ANKRD24: variants seen among roughly 807,000 people sequenced by gnomAD.
The protein encoded by ANKRD24 is ankyrin repeat domain-containing protein 24.
A neutral mutation model predicts 127.8 loss-of-function variants in ANKRD24; 109 were observed. The ratio of observed to expected loss-of-function variants is 0.85; its 90% confidence interval spans 0.73 to 1.00. ANKRD24 has a LOEUF of 1.00. Ranked by LOEUF, ANKRD24 falls within the 50% of genes least tolerant of loss-of-function variation. The pLI is 0.00. For synonymous variants in ANKRD24, 743 were observed against 671.1 expected (o/e 1.11, Z -1.66); for missense variants, 1,648 against 1,570.2 (o/e 1.05, Z -0.84).
At chr19:4,200,280 G>C in intron 5 of ANKRD24, 109 bp downstream of exon 5, 1 of 1,225,344 alleles carries the variant, frequency 8.2e-7, no homozygotes, top group Non-Finnish European at 1.1e-6. Context: ...GCTGAAAAAA[G>C]GGGAGGCTCC....
chr19:4,215,054 C>G (rs1039041473), intron 15 of ANKRD24, among the ~76,000 whole-genome samples: 3 of 152,202 alleles, frequency 2.0e-5, no homozygotes, highest in Non-Finnish European at 2.9e-5. Flanking sequence ...CCCGAGTCCC[C>G]TCACCCAGGA....
chr19:4,182,844 G>C (rs1967803928), intron 1 of ANKRD24, 104 bp downstream of exon 1: 1 of 647,206 alleles, frequency 1.5e-6, no homozygotes, highest in South Asian at 6.9e-5. Context: ...GCGGGACACA[G>C]GCTATCCATG....
At position 4,198,073 on chromosome 19, in the gene ANKRD24, G is replaced by T. The variant is rs1860142905; in HGVS notation, c.37-1610G>T. The T allele has an allele frequency of 6.8e-6, 3 of 439,964 alleles. No individual in the cohort carries two copies. The highest frequency in any genetic ancestry group is 1.2e-5 in the Non-Finnish European group (3 of 246,820). 27.3% of individuals were successfully genotyped at this position (439,964 alleles called of 1,614,324 possible). A position where few individuals can be genotyped will look rare whatever the true frequency, so the allele number is the denominator to read the frequency against. On this transcript the variant is annotated intron_variant, in intron 2 of 21. Coordinates refer to ENST00000318934, the MANE Select transcript of ANKRD24 (RefSeq NM_001393985.1). This position sits in a 1 kb window ranked among gnomAD's most constrained non-coding sequence, Gnocchi z 6.1. ...GCGAGGCTGCGGACGTCGCGGGCCC[G>T]GAGGCACCTGCGCGCCCTTGGCCGA...
At chr19:4,206,539 A>T (rs184291634) in intron 7 of ANKRD24, among the ~76,000 whole-genome samples, 1 of 152,014 alleles carries the variant, frequency 6.6e-6, no homozygotes, top group Non-Finnish European at 1.5e-5. Context: ...CATTCCTGTA[A>T]TCCCAGCCCC....
intron 15 of ANKRD24, among the ~76,000 whole-genome samples, chr19:4,214,611 T>G (rs983972460): frequency 9.9e-5 from 15 of 152,100 alleles, no homozygotes; most frequent in African/African-American, 3.6e-4. Flanking sequence ...CTCAGCACTT[T>G]GGGAGCCTGA....
Position 4,224,629 on chromosome 19 carries a change from AC to A in ANKRD24, c.*126del. The A allele has an allele frequency of 1.1e-6, 1 of 936,894 alleles. No individual in the cohort carries two copies. Among genetic ancestry groups the A allele is most frequent in the Non-Finnish European group, 1.6e-6 (1 of 613,544 alleles). 58.0% of individuals were successfully genotyped at this position (936,894 alleles called of 1,614,324 possible). ...CCTATCCAGGCCCATGCACTTGGAGACCAGCCTGGTTCCCTGCCCGACCACC... is the reference window on the plus strand; with the variant it reads ...CCTATCCAGGCCCATGCACTTGGAGACAGCCTGGTTCCCTGCCCGACCACC... On this transcript the variant is annotated 3_prime_UTR_variant, in exon 22 of 22. Coordinates refer to ENST00000318934, the MANE Select transcript of ANKRD24 (RefSeq NM_001393985.1).
Position 4,224,184 on chromosome 19 carries a change from G to A in ANKRD24, c.3355G>A (p.Ala1119Thr), listed in dbSNP as rs1970614639. 5 of 1,611,302 alleles carry A rather than the reference G, an allele frequency of 3.1e-6. No individual in the cohort carries two copies. Among genetic ancestry groups the A allele is most frequent in the Non-Finnish European group, 4.2e-6 (5 of 1,179,090 alleles). ...TTTGTACAGAAGCCACCTCCTATAT[G>A]CCATTCAGGTGAGTGGCCCAGCTCC... Reference protein sequence around the residue: ...VALYRSHLLYAIQGQMDEDVQ... With the variant: ...VALYRSHLLYTIQGQMDEDVQ... The change falls in exon 21 of 22, where the codon GCC becomes ACC. Residue 1119 changes from alanine to threonine, a missense_variant. Physicochemically the swap from Ala to Thr is moderately conservative, Grantham distance 58. Coordinates refer to ENST00000318934, the MANE Select transcript of ANKRD24 (RefSeq NM_001393985.1).
At chr19:4,209,692 A>C (rs1159987639) in intron 11 of ANKRD24, among the ~76,000 whole-genome samples, 2 of 149,580 alleles carry the variant, frequency 1.3e-5, no homozygotes, top group African/African-American at 4.9e-5. Context: ...ACCTCAAGTG[A>C]TCACCCACCT....
At chr19:4,207,178 C>A in intron 7 of ANKRD24, 64 bp from the exon 8 acceptor site, 1 of 1,454,792 alleles carries the variant, frequency 6.9e-7, no homozygotes, top group Non-Finnish European at 9.6e-7. Context: ...CCTGCCTTGG[C>A]CTCCCAAGGT....
chr19:4,218,139 G>A lies in ANKRD24; in HGVS notation c.2979G>A (p.Glu993=), dbSNP rs1321813997. 16 of 1,530,904 alleles carry A rather than the reference G, an allele frequency of 1.0e-5. No homozygotes were observed. The Admixed American group carries it at 1.8e-4, about 17-fold the overall frequency. 94.8% of individuals were successfully genotyped at this position (1,530,904 alleles called of 1,614,324 possible). A position where few individuals can be genotyped will look rare whatever the true frequency, so the allele number is the denominator to read the frequency against. The change falls in exon 18 of 22, where the codon GAG becomes GAA. Residue 993 remains glutamate (E), a synonymous_variant. Transcript: ENST00000318934. ...TGGAGGAGCTGGGACGGCGGCATGA[G>A]AAGACCAGCGCAGAGGTCTTCCAGG... ...GQLEELGRRH[E]KTSAEVFQVQ...
Position 4,200,024 on chromosome 19 carries a change from G to T in ANKRD24, c.254+19G>T. The T allele has an allele frequency of 1.3e-6, 2 of 1,563,838 alleles. No individual in the cohort carries two copies. The highest frequency in any genetic ancestry group is 1.7e-6 in the Non-Finnish European group (2 of 1,152,106). On this transcript the variant is annotated intron_variant, in intron 4 of 21. Coordinates refer to ENST00000318934, the MANE Select transcript of ANKRD24 (RefSeq NM_001393985.1). ...AGTCCGCGTGAGTGCCCGCGACCCGGGAGTGAGATGGCTGAGGGGTGGCAA... is the reference window on the plus strand; with the variant it reads ...AGTCCGCGTGAGTGCCCGCGACCCGTGAGTGAGATGGCTGAGGGGTGGCAA...
chr19:4,214,053 C>T (rs188135734), intron 15 of ANKRD24, among the ~76,000 whole-genome samples: 1 of 152,308 alleles, frequency 6.6e-6, no homozygotes, highest in African/African-American at 2.4e-5. Flanking sequence ...TTTACAGACA[C>T]GCAAGAAACA....
At position 4,216,797 on chromosome 19, in the gene ANKRD24, T is replaced by C. The variant is rs757429982; in HGVS notation, c.1637T>C (p.Leu546Pro). The C allele has an allele frequency of 6.2e-7, 1 of 1,602,648 alleles. No individual in the cohort carries two copies. Among genetic ancestry groups the C allele is most frequent in the Non-Finnish European group, 8.5e-7 (1 of 1,174,976 alleles). Residue 546 changes from leucine (L) to proline (P), a missense_variant, in exon 18 of 22, where the codon CTA becomes CCA. Leu to Pro is a moderately conservative substitution (Grantham distance 98). Transcript: ENST00000318934. ...AAAAACGGGCCAACCCACATGGAGCTAAATGGCTCAGTGGCTCCAGAAACC... is the reference window on the plus strand; with the variant it reads ...AAAAACGGGCCAACCCACATGGAGCCAAATGGCTCAGTGGCTCCAGAAACC... ...ATKNGPTHME[L>P]NGSVAPETKV... is the part of the protein sequence containing the mutation.
rs1023920544 is a variant in ANKRD24 at position 4,217,486 on chromosome 19, GC to G, written c.2328del (p.Ser777AlafsTer233). 8 of 1,419,512 alleles carry G rather than the reference GC, an allele frequency of 5.6e-6. No homozygotes were observed. The African/African-American group carries it at 1.2e-4, about 22-fold the overall frequency. 87.9% of individuals were successfully genotyped at this position (1,419,512 alleles called of 1,614,324 possible). On this transcript the variant is annotated frameshift_variant, in exon 18 of 22. Coordinates refer to ENST00000318934, the MANE Select transcript of ANKRD24 (RefSeq NM_001393985.1). LOFTEE classifies it high-confidence loss of function. ...ERVREAEGSG[A>X]SGGGGGDTTQ... ...TGTCCGCGAGGCCGAGGGCAGCGGGGCCAGCGGGGGCGGTGGCGGTGACACC... is the reference window on the plus strand; with the variant it reads ...TGTCCGCGAGGCCGAGGGCAGCGGGGCAGCGGGGGCGGTGGCGGTGACACC...
intron 8 of ANKRD24, 72 bp from the exon 9 acceptor site, chr19:4,207,429 C>T: frequency 6.4e-7 from 1 of 1,567,708 alleles, no homozygotes; most frequent in Non-Finnish European, 8.8e-7. Flanking sequence ...AACTCAAGGG[C>T]AGTTATATAG....
chr19:4,216,709 G>T lies in ANKRD24; in HGVS notation c.1549G>T (p.Glu517Ter). 6.3e-7 allele frequency: 1 copy of T among 1,578,826 alleles called. No individual in the cohort carries two copies. Among genetic ancestry groups the T allele is most frequent in the South Asian group, 1.2e-5 (1 of 86,642 alleles). ...GGCCCTGAGGCAGCAGGAGACACGA[G>T]AGGTCCCCAGAGAAGAGGGGGCAGC... The part of the protein sequence containing the change: ...LQALRQQETR[E>*]VPREEGAACG... Residue 517 changes from glutamate to a stop codon, truncating the protein, a stop_gained, in exon 18 of 22, where the codon GAG becomes TAG. Transcript: ENST00000318934. LOFTEE classifies it high-confidence loss of function.
Position 4,218,230 on chromosome 19 carries a change from G to A in ANKRD24, c.3003+67G>A. ...CCACGTGGCGGCCTGTTTTAGCCCCGCAGCCTTGAGGTGTTTTGAACCCAT... is the reference window on the plus strand; with the variant it reads ...CCACGTGGCGGCCTGTTTTAGCCCCACAGCCTTGAGGTGTTTTGAACCCAT... On this transcript the variant is annotated intron_variant, in intron 18 of 21. Transcript: ENST00000318934. The A allele has an allele frequency of 5.1e-6, 7 of 1,367,432 alleles. No individual in the cohort carries two copies. The South Asian group carries it at 8.3e-5, about 16-fold the overall frequency. The allele number at this position is 1,367,432 out of a possible 1,614,324, so 84.7% of individuals were successfully genotyped here.
chr19:4,217,660 G>A lies in ANKRD24; in HGVS notation c.2500G>A (p.Ala834Thr). Reference sequence around the variant, plus strand: ...GGAGGAGGAGGCGCGGGGCCTGCGGGCCGAGCTGGCCCAGCGGGAGGAGGC... The same window carrying A: ...GGAGGAGGAGGCGCGGGGCCTGCGGACCGAGCTGGCCCAGCGGGAGGAGGC... ...LAEEEARGLR[A>T]ELAQREEARL... is the part of the protein sequence containing the mutation. Residue 834 changes from alanine to threonine, a missense_variant, in exon 18 of 22, where the codon GCC (alanine) becomes ACC (threonine). By Grantham distance (58) the Ala-to-Thr change is moderately conservative. Transcript: ENST00000318934. The A allele has an allele frequency of 1.6e-6, 2 of 1,283,902 alleles. No homozygotes were observed. The highest frequency in any genetic ancestry group is 2.0e-6 in the Non-Finnish European group (2 of 1,018,912). 79.5% of individuals were successfully genotyped at this position (1,283,902 alleles called of 1,614,324 possible). A position where few individuals can be genotyped will look rare whatever the true frequency, so the allele number is the denominator to read the frequency against.
Position 4,217,630 on chromosome 19 carries a change from C to A in ANKRD24, c.2470C>A (p.Leu824Met). ...GGATGAGGCTCGGGCCAGCCGGCTG[C>A]TGGCGGAGGAGGAGGCGCGGGGCCT... ...CLDEARASRL[L>M]AEEEARGLRA... is the part of the protein sequence containing the mutation. Residue 824 changes from leucine to methionine, a missense_variant, in exon 18 of 22, where the codon CTG becomes ATG. Leu to Met is a conservative substitution (Grantham distance 15). Coordinates refer to ENST00000318934, the MANE Select transcript of ANKRD24 (RefSeq NM_001393985.1). The A allele has an allele frequency of 7.8e-7, 1 of 1,286,872 alleles. No homozygotes were observed. Among genetic ancestry groups the A allele is most frequent in the Non-Finnish European group, 9.8e-7 (1 of 1,020,770 alleles). The allele number at this position is 1,286,872 out of a possible 1,614,324, so 79.7% of individuals were successfully genotyped here. A position where few individuals can be genotyped will look rare whatever the true frequency, so the allele number is the denominator to read the frequency against.
Sources: gnomAD v4.1 joint callset for allele counts (sites outside exome capture counted in the v4.1 genomes callset) on GRCh38, gnomAD v4.1.1 for gene constraint, Gnocchi (gnomAD v3.1) non-coding constraint, MANE v1.5 for transcripts, NCBI Gene and HGNC (gene_info 2026-07-23, HGNC 2026-07-21) for gene names.